NCKAP1L: variants seen among roughly 807,000 people sequenced by gnomAD.
NCKAP1L encodes NCK associated protein 1 like.
In NCKAP1L, 53 loss-of-function variants were observed where a neutral mutation model predicts 139.2. The observed-to-expected ratio is 0.38, with a 90% CI of 0.31 to 0.48. The LOEUF is 0.48. Ranked by LOEUF, NCKAP1L falls within the 20% of genes least tolerant of loss-of-function variation. The pLI is 0.98. For synonymous variants in NCKAP1L, 468 were observed against 499.7 expected (o/e 0.94, Z 0.85); for missense variants, 1,151 against 1,381.9 (o/e 0.83, Z 2.65).
In NCKAP1L at chr12:54,528,389, G is replaced by A. The variant is rs551035534; in HGVS notation, c.2506+12G>A. On this transcript the variant is annotated intron_variant, in intron 22 of 30. Transcript: ENST00000293373. ...CTCTGACATCTCTGGTGAGCTCAGG[G>A]CCTGGTCTTCTTGTCAAGGAGCTGA... 1.9e-6 allele frequency: 3 copies of A among 1,612,052 alleles called. No homozygotes were observed. Among genetic ancestry groups the A allele is most frequent in the Non-Finnish European group, 2.5e-6 (3 of 1,179,202 alleles).
chr12:54,528,167 A>T, intron 21 of NCKAP1L, 80 bp from the exon 22 acceptor site: 2 of 1,514,630 alleles, frequency 1.3e-6, no homozygotes, highest in East Asian at 2.3e-5. Flanking sequence ...TTTCTTTCTG[A>T]GCTCAGTGGT....
At chr12:54,504,896 G>T (rs1956828044) in intron 3 of NCKAP1L, among the ~76,000 whole-genome samples, 2 of 152,220 alleles carry the variant, frequency 1.3e-5, no homozygotes, top group African/African-American at 4.8e-5. Context: ...TGTCTGTAGA[G>T]AATAAGACCT....
In NCKAP1L at chr12:54,517,884, C is replaced by T. The variant is rs1384763415; in HGVS notation, c.1284C>T (p.Tyr428=). Residue 428 remains tyrosine, a synonymous_variant, in exon 13 of 31, where the codon TAC becomes TAT. Coordinates refer to ENST00000293373, the MANE Select transcript of NCKAP1L (RefSeq NM_005337.5). ...GACACATCAAAGTGATACAGCAATA[C>T]CACCTTCAGTACTTGGCAAGATTTG... is the stretch of plus-strand genomic sequence containing the variant. The part of the protein sequence containing the change: ...VRRHIKVIQQ[Y]HLQYLARFDA... 6.2e-7 allele frequency: 1 copy of T among 1,613,992 alleles called. No homozygotes were observed. Among genetic ancestry groups the T allele is most frequent in the Non-Finnish European group, 8.5e-7 (1 of 1,180,018 alleles).
rs1293027926 is a variant in NCKAP1L at position 54,519,270 on chromosome 12, C to G, written c.1563C>G (p.His521Gln). The G allele has an allele frequency of 6.3e-7, 1 of 1,589,834 alleles. No individual in the cohort carries two copies. The highest frequency in any genetic ancestry group is 1.4e-5 in the African/African-American group (1 of 73,238). Residue 521 changes from histidine (H) to glutamine (Q), a missense_variant, in exon 16 of 31, where the codon CAC becomes CAG. His to Gln is a conservative substitution (Grantham distance 24, BLOSUM62 0). Transcript: ENST00000293373. ...AGGTGATGAACCTCATTGTCTTCCA[C>G]TCCCGAATGCTGGACTCCGTAGAAA... ...LAKVMNLIVF[H>Q]SRMLDSVEKL...
chr12:54,527,725 G>T (rs1321154877), intron 21 of NCKAP1L, among the ~76,000 whole-genome samples: 1 of 152,218 alleles, frequency 6.6e-6, no homozygotes, highest in Non-Finnish European at 1.5e-5. Context: ...GTGCCTGGGA[G>T]AGGCGGGTTG....
intron 1 of NCKAP1L, among the ~76,000 whole-genome samples, chr12:54,498,996 G>C (rs1343046212): frequency 1.3e-5 from 2 of 151,510 alleles, no homozygotes; most frequent in Non-Finnish European, 2.9e-5. Flanking sequence ...CACGATCTTG[G>C]CTCACTGCAA....
chr12:54,525,459 G>A (rs1375395498), intron 20 of NCKAP1L, among the ~76,000 whole-genome samples: 1 of 152,146 alleles, frequency 6.6e-6, no homozygotes, highest in Admixed American at 6.5e-5. Flanking sequence ...TTTGATAATG[G>A]CCCATGTGCA....
chr12:54,504,254 T>G (rs1338274941), intron 3 of NCKAP1L, among the ~76,000 whole-genome samples: 1 of 152,184 alleles, frequency 6.6e-6, no homozygotes, highest in Admixed American at 6.5e-5. Flanking sequence ...TGTGGTGGTG[T>G]TATAGTATTT....
Position 54,516,248 on chromosome 12 carries a change from G to A in NCKAP1L, c.951G>A (p.Lys317=). 6.2e-7 allele frequency: 1 copy of A among 1,614,026 alleles called. No homozygotes were observed. Among genetic ancestry groups the A allele is most frequent in the South Asian group, 1.1e-5 (1 of 91,082 alleles). ...DLFSSLKGYG[K]RVADIKESKE... is the part of the protein sequence containing the mutation. Reference sequence around the variant, plus strand: ...TTGTGTCAATCCTCAGGTATGGCAAGAGAGTGGCAGACATAAAGGAGAGCA... The same window carrying A: ...TTGTGTCAATCCTCAGGTATGGCAAAAGAGTGGCAGACATAAAGGAGAGCA... Residue 317 remains lysine (K), a synonymous_variant, in exon 10 of 31, where the codon AAG becomes AAA. Transcript: ENST00000293373.
intron 3 of NCKAP1L, chr12:54,501,022 T>A (rs1288570289): frequency 6.1e-6 from 1 of 164,386 alleles, no homozygotes; most frequent in East Asian, 1.8e-4. Context: ...TTTTTAAGTA[T>A]ACAGTTCAGT....
chr12:54,519,648 G>A (rs1956965853), intron 16 of NCKAP1L, among the ~76,000 whole-genome samples: 1 of 151,932 alleles, frequency 6.6e-6, no homozygotes, highest in African/African-American at 2.4e-5. Flanking sequence ...ATTGGAAAGT[G>A]TTGCTGTTTT....
chr12:54,499,755 A>G (rs899638176), intron 2 of NCKAP1L, among the ~76,000 whole-genome samples: 1 of 151,050 alleles, frequency 6.6e-6, no homozygotes, highest in African/African-American at 2.4e-5. Flanking sequence ...AGCTCTATCA[A>G]CCCAGCAGGG....
chr12:54,514,805 T>C (rs181680973), intron 9 of NCKAP1L, among the ~76,000 whole-genome samples: 41 of 152,292 alleles, frequency 2.7e-4, no homozygotes, highest in African/African-American at 9.6e-4. Flanking sequence ...TTAAAAACCA[T>C]TGCCAGAGTT....
intron 10 of NCKAP1L, 133 bp from the exon 11 acceptor site, chr12:54,516,759 TAAAC>T: frequency 1.4e-6 from 1 of 736,618 alleles, no homozygotes; most frequent in Admixed American, 2.8e-5. Context: ...TTTTCTTTTT[TAAAC>T]CAAGTCTAAC....
intron 7 of NCKAP1L, 129 bp downstream of exon 7, chr12:54,510,114 T>A: frequency 8.0e-7 from 1 of 1,254,864 alleles, no homozygotes; most frequent in Non-Finnish European, 1.1e-6. Context: ...GGTATGTCTC[T>A]AAGTTGAGCA....
At chr12:54,506,796 A>AAAAAAAAAAAATATATATAT in intron 3 of NCKAP1L, among the ~76,000 whole-genome samples, 2 of 50,608 alleles carry the variant, frequency 4.0e-5, no homozygotes, top group African/African-American at 2.2e-4. Context: ...AAAAAAAAAA[A>AAAAAAAAAAAATATATATAT]ATATATATAT....
intron 7 of NCKAP1L, 76 bp from the exon 8 acceptor site, chr12:54,511,727 A>T (rs1358245213): frequency 6.6e-7 from 1 of 1,521,822 alleles, no homozygotes; most frequent in Non-Finnish European, 9.0e-7. Flanking sequence ...TTTGATACTC[A>T]GATCCTAGTT....
At chr12:54,542,354 A>C (rs1283270404) in intron 30 of NCKAP1L, among the ~76,000 whole-genome samples, 2 of 152,180 alleles carry the variant, frequency 1.3e-5, no homozygotes, top group Non-Finnish European at 2.9e-5. Flanking sequence ...CCCTTCACAT[A>C]GTCCTGATGA....
chr12:54,546,195 A>G lies in NCKAP1L; in HGVS notation c.*3510A>G, dbSNP rs961168416. On this transcript the variant is annotated 3_prime_UTR_variant, in exon 31 of 31. Transcript: ENST00000293373. The stretch of plus-strand genomic sequence containing the variant: ...TCAACATGGCGAACTCCGTCTCTAC[A>G]AAAAAATACGAAAATTAGCTGGGCG... The G allele has an allele frequency of 6.6e-6, 1 of 152,110 alleles. No individual in the cohort carries two copies. Among genetic ancestry groups the G allele is most frequent in the African/African-American group, 2.4e-5 (1 of 41,350 alleles). The allele number at this position is 152,110 out of a possible 1,614,324, so 9.4% of individuals were successfully genotyped here.
Sources: gnomAD v4.1 joint callset for allele counts (sites outside exome capture counted in the v4.1 genomes callset) on GRCh38, gnomAD v4.1.1 for gene constraint, MANE v1.5 for transcripts, NCBI Gene and HGNC (gene_info 2026-07-23, HGNC 2026-07-21) for gene names.